The following TMEM132D variants were observed in gnomAD, a reference collection of about 807,000 sequenced individuals.
TMEM132D encodes transmembrane protein 132D.
TMEM132D carries 21 observed loss-of-function variants against 62.3 expected under a neutral mutation model. The observed-to-expected ratio is 0.34, with a 90% CI of 0.24 to 0.49. The LOEUF (loss-of-function observed/expected upper bound fraction) is 0.49. Among genes scored for constraint, TMEM132D ranks in the 20% least tolerant of loss-of-function variants. TMEM132D has a pLI of 0.99. For missense variants in TMEM132D, 1,346 were observed against 1,402.8 expected, an observed-to-expected ratio of 0.96 and a Z score of 0.65; for synonymous variants, 621 against 575.6, an observed-to-expected ratio of 1.08 and a Z score of -1.13.
chr12:129,361,709 C>A (rs1020873894), intron 3 of TMEM132D, among the ~76,000 whole-genome samples: 4 of 152,136 alleles, frequency 2.6e-5, no homozygotes, highest in Non-Finnish European at 5.9e-5. Context: ...TATTTAGAAT[C>A]TTTTAAAAGA....
chr12:129,551,821 T>C (rs1051601283), intron 2 of TMEM132D, among the ~76,000 whole-genome samples: 1 of 152,222 alleles, frequency 6.6e-6, no homozygotes, highest in African/African-American at 2.4e-5. Context: ...TGCTAATGCC[T>C]GAGTAACCAC....
intron 4 of TMEM132D, among the ~76,000 whole-genome samples, chr12:129,284,918 G>A (rs1214716699): frequency 6.6e-6 from 1 of 152,182 alleles, no homozygotes; most frequent in African/African-American, 2.4e-5. Context: ...GTAAGGGGAA[G>A]GAGTGGGGAA....
At chr12:129,547,640 ATGT>A (rs1436405944) in intron 2 of TMEM132D, among the ~76,000 whole-genome samples, 1 of 152,152 alleles carries the variant, frequency 6.6e-6, no homozygotes, top group African/African-American at 2.4e-5. Flanking sequence ...CACAATTAAA[ATGT>A]TGTTCTACAG....
At chr12:129,879,125 T>C (rs911542937) in intron 1 of TMEM132D, among the ~76,000 whole-genome samples, 4 of 152,234 alleles carry the variant, frequency 2.6e-5, no homozygotes, top group African/African-American at 9.6e-5. Context: ...CCCCAAGTGA[T>C]ATATTTAAAA....
chr12:129,524,578 C>T (rs193276651), intron 3 of TMEM132D, among the ~76,000 whole-genome samples: 1 of 152,140 alleles, frequency 6.6e-6, no homozygotes. Flanking sequence ...ACCAAAAAAA[C>T]GGCTGCAATT....
intron 4 of TMEM132D, among the ~76,000 whole-genome samples, chr12:129,283,172 A>G (rs1457586580): frequency 1.3e-5 from 2 of 152,184 alleles, no homozygotes; most frequent in East Asian, 3.8e-4. Context: ...TGGAGCATCT[A>G]CGATAAACTA....
chr12:129,338,253 T>A (rs1305585398), intron 3 of TMEM132D, among the ~76,000 whole-genome samples: 1 of 152,180 alleles, frequency 6.6e-6, no homozygotes, highest in Non-Finnish European at 1.5e-5. Flanking sequence ...ATTTTAAGGA[T>A]GTCTGAGGGT....
intron 4 of TMEM132D, among the ~76,000 whole-genome samples, chr12:129,324,102 C>A (rs1387126689): frequency 6.6e-6 from 1 of 152,078 alleles, no homozygotes; most frequent in Admixed American, 6.5e-5. Flanking sequence ...ATCCAAGTAT[C>A]CATCTTTTAC....
intron 2 of TMEM132D, among the ~76,000 whole-genome samples, chr12:129,595,652 T>G (rs118115473): frequency 0.01 from 1,568 of 152,344 alleles, 57 homozygotes; most frequent in Admixed American, 0.079. Context: ...CCATCTGTGT[T>G]CCTGCAATTT....
chr12:129,732,051 G>T (rs1257879502), intron 1 of TMEM132D, among the ~76,000 whole-genome samples: 1 of 152,040 alleles, frequency 6.6e-6, no homozygotes, highest in Admixed American at 6.6e-5. Context: ...GCCGGCCTTA[G>T]TGGCTTGCTT....
intron 6 of TMEM132D, among the ~76,000 whole-genome samples, chr12:129,083,849 G>A (rs1874527915): frequency 6.6e-6 from 1 of 152,216 alleles, no homozygotes; most frequent in African/African-American, 2.4e-5. Context: ...TGGTACTCAT[G>A]TGGTTGCCTG....
chr12:129,135,847 G>A (rs1876542207), intron 5 of TMEM132D, among the ~76,000 whole-genome samples: 1 of 152,042 alleles, frequency 6.6e-6, no homozygotes, highest in South Asian at 2.1e-4. Context: ...ATTTCACATG[G>A]TATTCTCATT....
intron 4 of TMEM132D, among the ~76,000 whole-genome samples, chr12:129,215,018 A>G (rs1879163391): frequency 6.6e-6 from 1 of 152,246 alleles, no homozygotes; most frequent in African/African-American, 2.4e-5. Context: ...GTGCATGTAT[A>G]CTGCAGCAGT....
At chr12:129,481,360 G>A (rs1213016267) in intron 3 of TMEM132D, among the ~76,000 whole-genome samples, 1 of 151,754 alleles carries the variant, frequency 6.6e-6, no homozygotes, top group Admixed American at 6.6e-5. Flanking sequence ...CTACTCGGGA[G>A]GCTGAGGTGG....
chr12:129,329,791 GT>G (rs535043114), intron 4 of TMEM132D, among the ~76,000 whole-genome samples: 39 of 152,266 alleles, frequency 2.6e-4, no homozygotes, highest in African/African-American at 9.1e-4. Context: ...CATAATCACA[GT>G]ACTGGAAGGA....
At chr12:129,632,784 A>G (rs1879381025) in intron 2 of TMEM132D, among the ~76,000 whole-genome samples, 1 of 152,242 alleles carries the variant, frequency 6.6e-6, no homozygotes. Flanking sequence ...TGTCTCCTGC[A>G]GTATGGACCC....
chr12:129,276,648 C>G (rs927511454), intron 4 of TMEM132D, among the ~76,000 whole-genome samples: 13 of 152,106 alleles, frequency 8.5e-5, no homozygotes, highest in African/African-American at 2.4e-5. Flanking sequence ...CAGCACCAGA[C>G]AAAGAGGAAA....
chr12:129,841,386 G>T (rs917610675), intron 1 of TMEM132D, among the ~76,000 whole-genome samples: 7 of 152,152 alleles, frequency 4.6e-5, no homozygotes, highest in African/African-American at 1.7e-4. Context: ...TAGATTGAAT[G>T]AGTTTTTATT....
chr12:129,557,532 C>G (rs1281067107), intron 2 of TMEM132D, among the ~76,000 whole-genome samples: 2 of 151,626 alleles, frequency 1.3e-5, no homozygotes, highest in East Asian at 4.0e-4. Flanking sequence ...CTGGGCAACA[C>G]AGGGAAGCCC....
Sources: allele counts gnomAD v4.1 joint callset (sites outside exome capture counted in the v4.1 genomes callset), GRCh38; gene constraint gnomAD v4.1.1; transcripts MANE v1.5; gene names NCBI Gene and HGNC (gene_info 2026-07-23, HGNC 2026-07-21).